The following CSMD1 variants were observed in gnomAD, a reference collection of about 807,000 sequenced individuals.
CSMD1 encodes the protein CUB and sushi domain-containing protein 1.
CSMD1 carries 213 observed loss-of-function variants against 417.5 expected under a neutral mutation model. The observed-to-expected ratio is 0.51, with a 90% CI of 0.46 to 0.57. The LOEUF is 0.57. Among genes scored for constraint, CSMD1 ranks in the 20% least tolerant of loss-of-function variants. The pLI, the probability that CSMD1 is intolerant of heterozygous loss-of-function variation, is 0.00. For synonymous variants in CSMD1, 2,862 were observed against 1,736.8 expected (o/e 1.65, Z -16.11); for missense variants, 6,923 against 4,529.7 (o/e 1.53, Z -15.17).
intron 1 of CSMD1, among the ~76,000 whole-genome samples, chr8:4,659,256 TA>T (rs35745005): frequency 0.011 from 1,187 of 107,710 alleles, 15 homozygotes; most frequent in African/African-American, 0.052. Flanking sequence ...ATACCAACAT[TA>T]AAAAAGAAGA....
chr8:4,246,660 GAAAC>G (rs1452770910), intron 3 of CSMD1, among the ~76,000 whole-genome samples: 1 of 151,928 alleles, frequency 6.6e-6, no homozygotes, highest in African/African-American at 2.4e-5. Context: ...GCAAGCAAAA[GAAAC>G]AAAAAACAAC....
chr8:4,688,191 C>A (rs183683394), intron 1 of CSMD1, among the ~76,000 whole-genome samples: 1 of 152,186 alleles, frequency 6.6e-6, no homozygotes, highest in East Asian at 1.9e-4. Flanking sequence ...GTACGAGAGT[C>A]AAGATTCTTT....
intron 12 of CSMD1, among the ~76,000 whole-genome samples, chr8:3,420,377 C>T (rs1004791809): frequency 2.0e-5 from 3 of 150,200 alleles, no homozygotes; most frequent in African/African-American, 7.4e-5. Flanking sequence ...AGACAATTAA[C>T]TCAGGGTGGA....
chr8:4,260,795 C>G (rs564500625), intron 3 of CSMD1, among the ~76,000 whole-genome samples: 1 of 152,214 alleles, frequency 6.6e-6, no homozygotes, highest in African/African-American at 2.4e-5. Flanking sequence ...GCACTGTCAC[C>G]TCTCCTGGAA....
At chr8:4,160,517 T>A (rs905841440) in intron 3 of CSMD1, among the ~76,000 whole-genome samples, 1 of 152,248 alleles carries the variant, frequency 6.6e-6, no homozygotes, top group East Asian at 1.9e-4. Flanking sequence ...ACAATCATTA[T>A]GCTTAAGCAA....
intron 1 of CSMD1, among the ~76,000 whole-genome samples, chr8:4,941,514 G>A (rs938255801): frequency 1.3e-5 from 2 of 152,122 alleles, no homozygotes; most frequent in African/African-American, 4.8e-5. Flanking sequence ...ATCTACACAT[G>A]TAACTTGTTG....
At chr8:4,216,972 G>T (rs910907867) in intron 3 of CSMD1, among the ~76,000 whole-genome samples, 1 of 152,142 alleles carries the variant, frequency 6.6e-6, no homozygotes, top group Non-Finnish European at 1.5e-5. Context: ...TCCTAGGATA[G>T]GTCCCCACGG....
At chr8:3,931,412 T>A (rs939012497) in intron 5 of CSMD1, among the ~76,000 whole-genome samples, 1 of 150,572 alleles carries the variant, frequency 6.6e-6, no homozygotes, top group South Asian at 2.1e-4. Context: ...CCATTCTGGG[T>A]ATTGTGGAAA....
At chr8:4,813,231 T>A (rs889778298) in intron 1 of CSMD1, among the ~76,000 whole-genome samples, 2 of 152,212 alleles carry the variant, frequency 1.3e-5, no homozygotes, top group Non-Finnish European at 2.9e-5. Flanking sequence ...GCAAATGTGC[T>A]TAGAAAAATC....
At chr8:2,955,363 T>C (rs1479558245) in intron 64 of CSMD1, among the ~76,000 whole-genome samples, 1 of 152,212 alleles carries the variant, frequency 6.6e-6, no homozygotes, top group East Asian at 1.9e-4. Flanking sequence ...ACTAATTGCA[T>C]ACTAATTGTA....
intron 25 of CSMD1, among the ~76,000 whole-genome samples, chr8:3,301,758 C>G (rs17079811): frequency 0.038 from 5,842 of 152,148 alleles, 384 homozygotes; most frequent in African/African-American, 0.13. Flanking sequence ...GGAGCTGGTG[C>G]TTGTCAACGT....
chr8:2,965,339 T>C (rs1254830776), intron 59 of CSMD1, among the ~76,000 whole-genome samples: 5 of 152,186 alleles, frequency 3.3e-5, no homozygotes, highest in Admixed American at 3.3e-4. Flanking sequence ...ATCACGGTGC[T>C]AACACTCTCT....
chr8:4,316,374 C>T (rs766811496), intron 3 of CSMD1, among the ~76,000 whole-genome samples: 10 of 152,042 alleles, frequency 6.6e-5, no homozygotes, highest in Non-Finnish European at 1.5e-4. Flanking sequence ...TCTGGGCTGC[C>T]ACAGACCTCT....
chr8:4,589,919 C>T lies in CSMD1; in HGVS notation c.302+47423G>A, dbSNP rs1037694053. ...CCTTCTGACACCATAGAATATGTGG[C>T]TTTTGTCTAACCCACACACTGGACC... On this transcript the variant is annotated intron_variant, in intron 2 of 69. Coordinates refer to ENST00000635120, the MANE Select transcript of CSMD1 (RefSeq NM_033225.6). Among the ~76,000 whole-genome samples, 5 of 152,154 alleles carry T rather than the reference C, an allele frequency of 3.3e-5. No homozygotes were observed. In the South Asian group the frequency reaches 6.2e-4, roughly 19 times the overall value.
intron 7 of CSMD1, among the ~76,000 whole-genome samples, chr8:3,679,266 C>G (rs1799532236): frequency 6.6e-6 from 1 of 152,172 alleles, no homozygotes; most frequent in South Asian, 2.1e-4. Context: ...CAAGACCCAT[C>G]AGTGTGTTGT....
intron 52 of CSMD1, among the ~76,000 whole-genome samples, chr8:3,012,521 C>A (rs1808472448): frequency 6.6e-6 from 1 of 152,130 alleles, no homozygotes; most frequent in African/African-American, 2.4e-5. Context: ...AGTATTCTTT[C>A]TAGTAGCCCC....
intron 42 of CSMD1, 142 bp from the exon 43 acceptor site, chr8:3,110,477 T>C (rs996774059): frequency 3.2e-6 from 2 of 623,170 alleles, no homozygotes; most frequent in African/African-American, 3.7e-5. Flanking sequence ...CACCATTTTG[T>C]CAAAATTACT....
At chr8:4,576,117 T>C (rs1275708869) in intron 2 of CSMD1, among the ~76,000 whole-genome samples, 1 of 152,370 alleles carries the variant, frequency 6.6e-6, no homozygotes, top group East Asian at 1.9e-4. Flanking sequence ...TCTTTATTGC[T>C]AGCCTATCCC....
intron 3 of CSMD1, among the ~76,000 whole-genome samples, chr8:4,172,991 A>G (rs1053320039): frequency 6.6e-6 from 1 of 152,158 alleles, no homozygotes; most frequent in Non-Finnish European, 1.5e-5. Flanking sequence ...TTCCTGACCC[A>G]CAGAAACCTT....
Sources: allele counts gnomAD v4.1 joint callset (sites outside exome capture counted in the v4.1 genomes callset), GRCh38; gene constraint gnomAD v4.1.1; transcripts MANE v1.5; gene names NCBI Gene and HGNC (gene_info 2026-07-23, HGNC 2026-07-21).